Variants in ZBTB11 observed in about 807,000 individuals in gnomAD.
The protein encoded by ZBTB11 is zinc finger and BTB domain containing 11, also known as zinc finger and BTB domain-containing protein 11.
In ZBTB11, 68 loss-of-function variants were observed where a neutral mutation model predicts 113.1. The observed-to-expected ratio is 0.60, with a 90% CI of 0.49 to 0.74. The LOEUF (loss-of-function observed/expected upper bound fraction) is 0.74, where lower values mean the gene tolerates loss of function less well. Among genes scored for constraint, ZBTB11 ranks in the 30% least tolerant of loss-of-function variants. The probability of loss-of-function intolerance (pLI) is 0.00; values close to 1 mark genes in which losing one functional copy is unlikely to be tolerated. For missense variants in ZBTB11, 1,104 were observed against 1,279.4 expected, an observed-to-expected ratio of 0.86 and a Z score of 2.09; for synonymous variants, 518 against 452.6, an observed-to-expected ratio of 1.14 and a Z score of -1.83.
chr3:101,673,189 T>C (rs1359601532), intron 1 of ZBTB11, among the ~76,000 whole-genome samples: 1 of 152,178 alleles, frequency 6.6e-6, no homozygotes, highest in African/African-American at 2.4e-5. Flanking sequence ...AGGCTTTATG[T>C]ATATGTACAC....
chr3:101,661,846 T>C (rs1576647326), intron 5 of ZBTB11, among the ~76,000 whole-genome samples: 1 of 152,168 alleles, frequency 6.6e-6, no homozygotes, highest in African/African-American at 2.4e-5. Flanking sequence ...TTGAAAATAA[T>C]ATTTGTATAC....
At position 101,656,220 on chromosome 3, in the gene ZBTB11, T is replaced by C. The variant is rs915471456; in HGVS notation, c.2075A>G (p.His692Arg). ...QVCGKTFIYK[H>R]GLKLHQSLHQ... ...AAGACTCTGATGTAATTTTAGACCATGCTTATAGATAAAAGTCTTTCCACA... is the reference window on the plus strand; with the variant it reads ...AAGACTCTGATGTAATTTTAGACCACGCTTATAGATAAAAGTCTTTCCACA... The change falls in exon 7 of 11, where the codon CAT becomes CGT. Residue 692 changes from histidine to arginine, a missense_variant. Transcript: ENST00000312938. 1 of 1,586,076 alleles carries C rather than the reference T, an allele frequency of 6.3e-7. No individual in the cohort carries two copies. The highest frequency in any genetic ancestry group is 8.6e-7 in the Non-Finnish European group (1 of 1,167,382).
At position 101,656,255 on chromosome 3, in the gene ZBTB11, T is replaced by C. The variant is rs1206386532; in HGVS notation, c.2047-7A>G. ...TAAAAGTCTTTCCACAGACCTAAGA[T>C]AGAACAGGGGTGATTAAGTCAATAA... On this transcript the variant is annotated splice_polypyrimidine_tract_variant and splice_region_variant and intron_variant, in intron 6 of 10. Transcript: ENST00000312938. 2.6e-6 allele frequency: 4 copies of C among 1,536,604 alleles called. No individual in the cohort carries two copies. Among genetic ancestry groups the C allele is most frequent in the South Asian group, 1.3e-5 (1 of 78,946 alleles).
intron 9 of ZBTB11, 30 bp downstream of exon 9, chr3:101,652,746 CAATT>C (rs753109617): frequency 1.2e-6 from 2 of 1,609,108 alleles, no homozygotes; most frequent in Non-Finnish European, 1.7e-6. Flanking sequence ...CACACGTTAT[CAATT>C]AAGTTCAGCT....
At chr3:101,668,156 T>C (rs537105192) in intron 3 of ZBTB11, among the ~76,000 whole-genome samples, 7 of 151,070 alleles carry the variant, frequency 4.6e-5, no homozygotes, top group Admixed American at 6.6e-5. Context: ...AAAAAAAACT[T>C]AGATCATACA....
chr3:101,664,797 G>C, intron 4 of ZBTB11, 83 bp from the exon 5 acceptor site: 2 of 1,487,874 alleles, frequency 1.3e-6, no homozygotes, highest in Non-Finnish European at 1.8e-6. Flanking sequence ...CTAACAAAAA[G>C]ATTTCAAATT....
intron 1 of ZBTB11, among the ~76,000 whole-genome samples, chr3:101,674,833 A>C (rs548839002): frequency 1.3e-5 from 2 of 152,212 alleles, no homozygotes; most frequent in South Asian, 4.1e-4. Context: ...ACTTAGAAAA[A>C]GAAAAATTCT....
intron 6 of ZBTB11, among the ~76,000 whole-genome samples, chr3:101,657,359 A>C (rs1239078741): frequency 2.0e-5 from 3 of 151,782 alleles, no homozygotes; most frequent in African/African-American, 7.3e-5. Context: ...ACAAAAAATT[A>C]GCCAGGCGTG....
rs1283755308 is a variant in ZBTB11, at chr3:101,676,726, C to T, written c.189G>A (p.Glu63=). The change falls in exon 1 of 11, where the codon GAG becomes GAA. Residue 63 remains glutamate, a synonymous_variant. Transcript: ENST00000312938. ...QRHRKTFAEL[E]VVLQPERRRD... The stretch of plus-strand genomic sequence containing the variant: ...GGCGTCGCTCCGGCTGCAGCACCAC[C>T]TCCAGCTCCGCGAAGGTCTTGCGGT... 1.9e-6 allele frequency: 3 copies of T among 1,602,054 alleles called. No individual in the cohort carries two copies. Among genetic ancestry groups the T allele is most frequent in the East Asian group, 4.5e-5 (2 of 44,448 alleles).
chr3:101,667,017 TG>T (rs760674090), intron 3 of ZBTB11, among the ~76,000 whole-genome samples: 2 of 152,188 alleles, frequency 1.3e-5, no homozygotes, highest in African/African-American at 4.8e-5. Context: ...CCAAAAGTGC[TG>T]GGATTACAGG....
Position 101,665,046 on chromosome 3 carries a change from T to C in ZBTB11, c.1541A>G (p.Glu514Gly). The stretch of plus-strand genomic sequence containing the variant: ...CTTGTGTAGTCGAATATATGCCCCT[T>C]CATTAACAGAACGTTGTCGAAGCCT... ...RSRLRQRSVN[E>G]GAYIRLHKGM... The change falls in exon 4 of 11, where the codon GAA becomes GGA. Residue 514 changes from glutamate (E) to glycine (G), a missense_variant. Physicochemically the swap from Glu to Gly is moderately conservative, Grantham distance 98. Coordinates refer to ENST00000312938, the MANE Select transcript of ZBTB11 (RefSeq NM_014415.4). 19 of 1,614,206 alleles carry C rather than the reference T, an allele frequency of 1.2e-5. No individual in the cohort carries two copies. Among genetic ancestry groups the C allele is most frequent in the Non-Finnish European group, 1.6e-5 (19 of 1,180,034 alleles).
rs773882184 is a variant in ZBTB11 at position 101,672,018 on chromosome 3, G to C, written c.506C>G (p.Pro169Arg). The C allele has an allele frequency of 6.2e-7, 1 of 1,614,120 alleles. No individual in the cohort carries two copies. Among genetic ancestry groups the C allele is most frequent in the Non-Finnish European group, 8.5e-7 (1 of 1,180,010 alleles). Reference sequence around the variant, plus strand: ...TTTGGATACTGGCTTCTTTTTTGCAGGCTTGGATGCTGTAGTTGGAGATGA... The same window carrying C: ...TTTGGATACTGGCTTCTTTTTTGCACGCTTGGATGCTGTAGTTGGAGATGA... ...FTSSPTTASKPAKKKPVSKHE... is the reference protein window; with the variant it reads ...FTSSPTTASKRAKKKPVSKHE... The change falls in exon 2 of 11, where the codon CCT (proline) becomes CGT (arginine). Residue 169 changes from proline to arginine, a missense_variant. Physicochemically the swap from Pro to Arg is moderately radical, Grantham distance 103. Around this residue, in one of 5 missense-constraint regions of ZBTB11, gnomAD observed 245 missense variants for 272.5 expected, o/e 0.90. Coordinates refer to ENST00000312938, the MANE Select transcript of ZBTB11 (RefSeq NM_014415.4).
chr3:101,676,746 T>C lies in ZBTB11; in HGVS notation c.169A>G (p.Lys57Glu). 1.2e-6 allele frequency: 2 copies of C among 1,606,690 alleles called. No homozygotes were observed. The highest frequency in any genetic ancestry group is 1.7e-6 in the Non-Finnish European group (2 of 1,176,976). Residue 57 changes from lysine (K) to glutamate (E), a missense_variant, in exon 1 of 11, where the codon AAG (lysine) becomes GAG (glutamate). Coordinates refer to ENST00000312938, the MANE Select transcript of ZBTB11 (RefSeq NM_014415.4). ...LYYQRRQRHRKTFAELEVVLQ... is the reference protein window; with the variant it reads ...LYYQRRQRHRETFAELEVVLQ... Reference sequence around the variant, plus strand: ...ACCACCTCCAGCTCCGCGAAGGTCTTGCGGTGCCGCTGCCGCCGCTGGTAA... The same window carrying C: ...ACCACCTCCAGCTCCGCGAAGGTCTCGCGGTGCCGCTGCCGCCGCTGGTAA...
chr3:101,657,079 T>A (rs1936811228), intron 6 of ZBTB11, among the ~76,000 whole-genome samples: 1 of 144,252 alleles, frequency 6.9e-6, no homozygotes, highest in South Asian at 2.2e-4. Flanking sequence ...AGGCAGAGGT[T>A]GCAGTGAGCC....
chr3:101,653,125 G>A (rs147000763), intron 8 of ZBTB11, among the ~76,000 whole-genome samples, 187 bp from the exon 9 acceptor site: 237 of 152,204 alleles, frequency 1.6e-3, no homozygotes, highest in African/African-American at 5.4e-3. Flanking sequence ...AAGACTACTA[G>A]AAATGTTTTA....
At chr3:101,666,384 A>G (rs973518833) in intron 3 of ZBTB11, among the ~76,000 whole-genome samples, 1 of 152,204 alleles carries the variant, frequency 6.6e-6, no homozygotes, top group African/African-American at 2.4e-5. Flanking sequence ...CAGCTTTGCC[A>G]CTGTAGCTGG....
At chr3:101,655,100 T>C (rs1936772797) in intron 7 of ZBTB11, among the ~76,000 whole-genome samples, 1 of 152,192 alleles carries the variant, frequency 6.6e-6, no homozygotes, top group South Asian at 2.1e-4. Context: ...AGCGTCTCGA[T>C]GTCATGACCT....
Position 101,665,005 on chromosome 3 carries a change from G to A in ZBTB11, c.1582C>T (p.Leu528=). Reference sequence around the variant, plus strand: ...TTGGGAACGGCTTTCCGTTTCTGCAGCTTTTTCTCCATTCCCTTGTGTAGT... The same window carrying A: ...TTGGGAACGGCTTTCCGTTTCTGCAACTTTTTCTCCATTCCCTTGTGTAGT... The part of the protein sequence containing the change: ...IRLHKGMEKK[L]QKRKAVPKSA... The change falls in exon 4 of 11, where the codon CTG becomes TTG. Residue 528 remains leucine, a synonymous_variant. Transcript: ENST00000312938. 1 of 1,612,988 alleles carries A rather than the reference G, an allele frequency of 6.2e-7. No individual in the cohort carries two copies. The highest frequency in any genetic ancestry group is 8.5e-7 in the Non-Finnish European group (1 of 1,179,414).
intron 3 of ZBTB11, 106 bp downstream of exon 3, chr3:101,671,024 G>C: frequency 1.1e-6 from 1 of 882,518 alleles, no homozygotes. Flanking sequence ...TGTTGTTAGT[G>C]GGCTTCTCTT....
Sources: allele counts gnomAD v4.1 joint callset (sites outside exome capture counted in the v4.1 genomes callset), GRCh38; gene constraint gnomAD v4.1.1; regional missense constraint gnomAD v4.1.1; transcripts MANE v1.5; gene names NCBI Gene and HGNC (gene_info 2026-07-23, HGNC 2026-07-21).